FBRSL1: variants seen among roughly 807,000 people sequenced by gnomAD.
FBRSL1 encodes the protein fibrosin-1-like protein.
In FBRSL1, 51 loss-of-function variants were observed where a neutral mutation model predicts 89.6. That is an observed-to-expected ratio of 0.57 (90% CI 0.45 to 0.72). The LOEUF is 0.72. Among genes scored for constraint, FBRSL1 ranks in the 30% least tolerant of loss-of-function variants. FBRSL1 has a pLI of 0.00. For synonymous variants in FBRSL1, 779 were observed against 681.1 expected (o/e 1.14, Z -2.24); for missense variants, 1,618 against 1,451.8 (o/e 1.11, Z -1.86).
chr12:132,532,816 C>T (rs922164791), intron 4 of FBRSL1, among the ~76,000 whole-genome samples: 9 of 152,168 alleles, frequency 5.9e-5, no homozygotes, highest in African/African-American at 1.9e-4. Flanking sequence ...GAGCCCACCC[C>T]GTGTGCTTGG....
rs556518753 is a variant in FBRSL1 at position 132,515,628 on chromosome 12, G to A, written c.489+7278G>A. 1.4e-4 allele frequency among the ~76,000 whole-genome samples: 21 copies of A among 152,164 alleles called. No homozygotes were observed. In the East Asian group the frequency reaches 3.7e-3, roughly 27 times the overall value. ...GAAATTAATGAGGCAGGCCAGGTGC[G>A]GTGGCTCACGCCTGTAATCCCAGCA... is the stretch of plus-strand genomic sequence containing the variant. On this transcript the variant is annotated intron_variant, in intron 2 of 18. Coordinates refer to ENST00000680143, the MANE Select transcript of FBRSL1 (RefSeq NM_001367871.1).
intron 2 of FBRSL1, among the ~76,000 whole-genome samples, chr12:132,524,219 G>C (rs2035598030): frequency 6.6e-6 from 1 of 152,236 alleles, no homozygotes; most frequent in South Asian, 2.1e-4. Flanking sequence ...GAGGGCTACT[G>C]TGCAGCTGAG....
At chr12:132,552,034 G>A (rs1476752147) in intron 5 of FBRSL1, 2 of 244,100 alleles carry the variant, frequency 8.2e-6, no homozygotes, top group African/African-American at 4.4e-5. Context: ...AGGGCTGGGG[G>A]ACAGTGGCAT....
At chr12:132,551,340 G>A (rs769891378) in intron 5 of FBRSL1, 67 of 446,508 alleles carry the variant, frequency 1.5e-4, no homozygotes, top group Non-Finnish European at 2.6e-4. Flanking sequence ...GCTGCTCCCG[G>A]TGGGCAGAAG....
Position 132,490,236 on chromosome 12 carries a change from GCGCCCGCCCGGCCC to G in FBRSL1, c.-327_-314del, listed in dbSNP as rs1449770789. ...GGCCGCCTCCCGCCTGCCGCCTGCC[GCGCCCGCCCGGCCC>G]CGCCCGCTCGGCCCGATCGCCGCGC... is the stretch of plus-strand genomic sequence containing the variant. On this transcript the variant is annotated 5_prime_UTR_variant, in exon 1 of 19. Transcript: ENST00000680143. The G allele has an allele frequency of 1.4e-5, 2 of 143,228 alleles. No homozygotes were observed. Among genetic ancestry groups the G allele is most frequent in the East Asian group, 4.2e-4 (2 of 4,758 alleles). The allele number at this position is 143,228 out of a possible 1,614,324, so 8.9% of individuals were successfully genotyped here.
intron 2 of FBRSL1, among the ~76,000 whole-genome samples, chr12:132,515,287 TG>T (rs1018137438): frequency 5.3e-5 from 8 of 152,148 alleles, no homozygotes; most frequent in Admixed American, 2.6e-4. Flanking sequence ...CCCAGATGAC[TG>T]GGCTAGAAGT....
At chr12:132,579,307 T>G (rs1358639521) in intron 15 of FBRSL1, among the ~76,000 whole-genome samples, 1 of 152,234 alleles carries the variant, frequency 6.6e-6, no homozygotes, top group African/African-American at 2.4e-5. Flanking sequence ...TAAGAGGGAT[T>G]CGTACGTCAT....
At chr12:132,550,285 G>A (rs982113250) in intron 5 of FBRSL1, among the ~76,000 whole-genome samples, 2 of 112,268 alleles carry the variant, frequency 1.8e-5, no homozygotes, top group Admixed American at 8.0e-5. Flanking sequence ...TTCGGGTCAC[G>A]CCCACTCTGG....
Position 132,583,320 on chromosome 12 carries a change from G to T in FBRSL1, c.2551G>T (p.Ala851Ser). ...GRERLGAPGF[A>S]WEPFRGLELP... ...CGAGCGCCTGGGCGCGCCGGGCTTC[G>T]CGTGGGAGCCTTTCCGCGGCCTGGA... Residue 851 changes from alanine to serine, a missense_variant, in exon 19 of 19, where the codon GCG becomes TCG. Transcript: ENST00000680143. 4.2e-6 allele frequency: 5 copies of T among 1,189,282 alleles called. No individual in the cohort carries two copies. The highest frequency in any genetic ancestry group is 5.2e-6 in the Non-Finnish European group (5 of 958,242). 73.7% of individuals were successfully genotyped at this position (1,189,282 alleles called of 1,614,324 possible).
intron 4 of FBRSL1, among the ~76,000 whole-genome samples, chr12:132,540,321 C>T (rs923363615): frequency 5.4e-5 from 7 of 128,678 alleles, no homozygotes; most frequent in African/African-American, 2.2e-4. Context: ...CCCCACCCAC[C>T]CAGTCCTGCC....
intron 4 of FBRSL1, among the ~76,000 whole-genome samples, chr12:132,539,146 C>A (rs2037005509): frequency 1.3e-5 from 2 of 152,204 alleles, no homozygotes; most frequent in Admixed American, 1.3e-4. Flanking sequence ...CCGGCCCCCA[C>A]CCCTCGGGCT....
At chr12:132,490,984 G>A (rs1188345888) in intron 1 of FBRSL1, 123 bp downstream of exon 1, 11 of 786,590 alleles carry the variant, frequency 1.4e-5, no homozygotes, top group Admixed American at 5.7e-5. Flanking sequence ...CCTGAGGGAA[G>A]CCCCGGCCAC....
In FBRSL1 at chr12:132,570,420, C is replaced by T; in HGVS notation, c.1093C>T (p.Leu365=). ...GPGPHLSTSH[L]ALRSQAQHQL... ...GGGCCCCCACCTGTCTACCTCACAC[C>T]TGGCGCTCCGGTCCCAGGCGCAGCA... The change falls in exon 8 of 19, where the codon CTG becomes TTG. Residue 365 remains leucine (L), a synonymous_variant. Transcript: ENST00000680143. 2.0e-6 allele frequency: 3 copies of T among 1,535,112 alleles called. No individual in the cohort carries two copies. Among genetic ancestry groups the T allele is most frequent in the Non-Finnish European group, 1.7e-6 (2 of 1,145,822 alleles).
intron 4 of FBRSL1, among the ~76,000 whole-genome samples, chr12:132,542,237 G>T (rs1302646277): frequency 2.6e-5 from 4 of 152,202 alleles, no homozygotes; most frequent in Non-Finnish European, 5.9e-5. Flanking sequence ...GGGCACCTGG[G>T]TGGGCACGCG....
In FBRSL1 at chr12:132,546,866, G is replaced by A. The variant is rs2037731807; in HGVS notation, c.616-1137G>A. 6.6e-6 allele frequency among the ~76,000 whole-genome samples: 1 copy of A among 152,260 alleles called. No homozygotes were observed. The highest frequency in any genetic ancestry group is 2.1e-4 in the South Asian group (1 of 4,836). On this transcript the variant is annotated intron_variant, in intron 4 of 18. Coordinates refer to ENST00000680143, the MANE Select transcript of FBRSL1 (RefSeq NM_001367871.1). The surrounding 1 kb of genome is among the most constrained non-coding windows in gnomAD (Gnocchi z 4.0). ...AAGCGCATTTCACACCGTACTGTGAGCTCCGTCGCTGAACACTCGGCAGCC... is the reference window on the plus strand; with the variant it reads ...AAGCGCATTTCACACCGTACTGTGAACTCCGTCGCTGAACACTCGGCAGCC...
In FBRSL1 at chr12:132,531,140, T is replaced by C. The variant is rs73488510; in HGVS notation, c.615+3152T>C. ...GGTGGAGGCCAGACCACCCCAGGGG[T>C]GGAGGACCAAGAACCGGTCCCATGG... is the stretch of plus-strand genomic sequence containing the variant. On this transcript the variant is annotated intron_variant, in intron 4 of 18. Transcript: ENST00000680143. Among the ~76,000 whole-genome samples, 303 of 151,608 alleles carry C rather than the reference T, an allele frequency of 2.0e-3. 1 individual carries two copies. The highest frequency in any genetic ancestry group is 7.0e-3 in the African/African-American group (288 of 41,236).
intron 1 of FBRSL1, among the ~76,000 whole-genome samples, chr12:132,494,807 G>A (rs188551395): frequency 8.5e-5 from 13 of 152,308 alleles, no homozygotes; most frequent in African/African-American, 2.4e-4. Flanking sequence ...CAGGAATAAA[G>A]GCGGAAGGAA....
At chr12:132,500,927 C>T (rs1324209605) in intron 1 of FBRSL1, among the ~76,000 whole-genome samples, 1 of 152,238 alleles carries the variant, frequency 6.6e-6, no homozygotes, top group African/African-American at 2.4e-5. Context: ...TGGCTGTCCT[C>T]GGCCAGACCC....
At chr12:132,494,769 G>A (rs143826110) in intron 1 of FBRSL1, among the ~76,000 whole-genome samples, 11 of 152,318 alleles carry the variant, frequency 7.2e-5, no homozygotes, top group Non-Finnish European at 1.2e-4. Context: ...ACTGGCACAC[G>A]GGCCACGCAG....
Sources: allele counts gnomAD v4.1 joint callset (sites outside exome capture counted in the v4.1 genomes callset), GRCh38; gene constraint gnomAD v4.1.1; non-coding constraint Gnocchi (gnomAD v3.1); transcripts MANE v1.5; gene names NCBI Gene and HGNC (gene_info 2026-07-23, HGNC 2026-07-21).